ABHD2: variants seen among roughly 807,000 people sequenced by gnomAD.
ABHD2 encodes abhydrolase domain containing 2, acylglycerol lipase.
In ABHD2, 20 loss-of-function variants were observed where a neutral mutation model predicts 48.1. The observed-to-expected ratio is 0.42, with a 90% CI of 0.29 to 0.60. ABHD2 has a LOEUF of 0.60. ABHD2 is among the 20% of genes least tolerant of loss of function. The pLI is 0.24. For synonymous variants in ABHD2, 209 were observed against 214.2 expected (o/e 0.98, Z 0.21); for missense variants, 405 against 550.9 (o/e 0.74, Z 2.65).
rs377600286 is a variant in ABHD2, at chr15:89,192,042, T to C, written c.996+893T>C. 5.0e-4 allele frequency among the ~76,000 whole-genome samples: 76 copies of C among 152,348 alleles called. No individual in the cohort carries two copies. In the South Asian group the frequency reaches 0.015, roughly 31 times the overall value. On this transcript the variant is annotated intron_variant, in intron 9 of 10. Coordinates refer to ENST00000352732, the MANE Select transcript of ABHD2 (RefSeq NM_152924.5). ...AAAATCTCCATATGTTTGTTTTACC[T>C]GAATGACCAACAAGCCAGTCCCTCT...
the ABHD2 span, among the ~76,000 whole-genome samples, chr15:89,044,756 T>C: frequency 6.6e-6 from 1 of 152,136 alleles, no homozygotes; most frequent in East Asian, 1.9e-4. Context: ...GGGTTGTTTG[T>C]TTTTTTCTTG....
rs1313862252 is a variant in ABHD2 at position 89,192,992 on chromosome 15, A to G, written c.997-243A>G. Reference sequence around the variant, plus strand: ...GGAGTGGCTAATCTGAAACACTCTGATGATTATCAGGAAGCTTTCTTCTAC... The same window carrying G: ...GGAGTGGCTAATCTGAAACACTCTGGTGATTATCAGGAAGCTTTCTTCTAC... On this transcript the variant is annotated intron_variant, in intron 9 of 10. Transcript: ENST00000352732. Among the ~76,000 whole-genome samples, 6 of 152,326 alleles carry G rather than the reference A, an allele frequency of 3.9e-5. No individual in the cohort carries two copies. In the South Asian group the frequency reaches 6.2e-4, roughly 16 times the overall value.
chr15:89,071,151 G>A, the ABHD2 span, among the ~76,000 whole-genome samples: 1 of 151,470 alleles, frequency 6.6e-6, no homozygotes, highest in Non-Finnish European at 1.5e-5. Flanking sequence ...CGGGCACGGT[G>A]GCTCACACCT....
intron 3 of ABHD2, among the ~76,000 whole-genome samples, chr15:89,121,722 TG>T (rs1377764395): frequency 2.8e-4 from 43 of 152,306 alleles, no homozygotes; most frequent in African/African-American, 9.6e-4. Context: ...ATTCTCTCAT[TG>T]CCTGTGAAGT....
At chr15:89,144,292 C>T (rs1277351675) in intron 3 of ABHD2, among the ~76,000 whole-genome samples, 5 of 152,134 alleles carry the variant, frequency 3.3e-5, no homozygotes, top group Non-Finnish European at 7.3e-5. Flanking sequence ...TGCCACCATG[C>T]CTGGCTAATT....
rs1222191400 is a variant in ABHD2 at position 89,185,102 on chromosome 15, A to G, written c.723-322A>G. 1.3e-5 allele frequency among the ~76,000 whole-genome samples: 2 copies of G among 152,254 alleles called. No individual in the cohort carries two copies. Among genetic ancestry groups the G allele is most frequent in the African/African-American group, 4.8e-5 (2 of 41,470 alleles). ...AAAGTGTTCACATGACAATTGAAGC[A>G]GACTTTGGTCCTGGCAGGCTCAGTG... On this transcript the variant is annotated intron_variant, in intron 6 of 10. Coordinates refer to ENST00000352732, the MANE Select transcript of ABHD2 (RefSeq NM_152924.5). This position sits in a 1 kb window ranked among gnomAD's most constrained non-coding sequence, Gnocchi z 5.9.
rs1223187128 is a variant in ABHD2, at chr15:89,179,171, G to A, written c.722+3176G>A. Among the ~76,000 whole-genome samples the A allele has an allele frequency of 6.6e-6, 1 of 152,192 alleles. No homozygotes were observed. Among genetic ancestry groups the A allele is most frequent in the East Asian group, 1.9e-4 (1 of 5,184 alleles). On this transcript the variant is annotated intron_variant, in intron 6 of 10. Transcript: ENST00000352732. This position sits in a 1 kb window ranked among gnomAD's most constrained non-coding sequence, Gnocchi z 4.3. ...GAGGAGGGATTTCTGAAGGAGGTGAGGGTGAGGAGGACAGTAGCACAGGGC... is the reference window on the plus strand; with the variant it reads ...GAGGAGGGATTTCTGAAGGAGGTGAAGGTGAGGAGGACAGTAGCACAGGGC...
rs1596067858 is a variant in ABHD2, at chr15:89,106,106, G to C, written c.-106-7619G>C. Among the ~76,000 whole-genome samples the C allele has an allele frequency of 6.6e-6, 1 of 152,156 alleles. No homozygotes were observed. Among genetic ancestry groups the C allele is most frequent in the African/African-American group, 2.4e-5 (1 of 41,438 alleles). ...AGGCAGGTGGATCACCTGAGGTCAGGAGTTCGAGACCAGCCTGGCTAACAT... is the reference window on the plus strand; with the variant it reads ...AGGCAGGTGGATCACCTGAGGTCAGCAGTTCGAGACCAGCCTGGCTAACAT... On this transcript the variant is annotated intron_variant, in intron 1 of 10. Coordinates refer to ENST00000352732, the MANE Select transcript of ABHD2 (RefSeq NM_152924.5). This position sits in a 1 kb window ranked among gnomAD's most constrained non-coding sequence, Gnocchi z 4.2.
rs2050591463 is a variant in ABHD2, at chr15:89,151,574, T to C, written c.195-103T>C. 2 of 1,326,534 alleles carry C rather than the reference T, an allele frequency of 1.5e-6. No individual in the cohort carries two copies. Among genetic ancestry groups the C allele is most frequent in the South Asian group, 2.8e-5 (2 of 70,600 alleles). The allele number at this position is 1,326,534 out of a possible 1,614,324, so 82.2% of individuals were successfully genotyped here. ...TCATGTTTATGCTTTGTGTGCAGAA[T>C]TTCCCTGGAACAAAAATAGGTTGAA... On this transcript the variant is annotated intron_variant, in intron 3 of 10. Transcript: ENST00000352732. This position sits in a 1 kb window ranked among gnomAD's most constrained non-coding sequence, Gnocchi z 4.7.
Position 89,155,657 on chromosome 15 carries a change from A to G in ABHD2, c.538+123A>G. 3 of 1,258,022 alleles carry G rather than the reference A, an allele frequency of 2.4e-6. No homozygotes were observed. Among genetic ancestry groups the G allele is most frequent in the Non-Finnish European group, 3.3e-6 (3 of 914,988 alleles). The allele number at this position is 1,258,022 out of a possible 1,614,324, so 77.9% of individuals were successfully genotyped here. ...CCATCTGCAAGAGATGGTAGGTCAC[A>G]CGGTTATATCAACAGCCAACTTGTA... On this transcript the variant is annotated intron_variant, in intron 5 of 10. Transcript: ENST00000352732. The surrounding 1 kb of genome is among the most constrained non-coding windows in gnomAD (Gnocchi z 4.9).
intron 3 of ABHD2, chr15:89,135,840 G>A: frequency 1.2e-5 from 9 of 750,106 alleles, no homozygotes; most frequent in Non-Finnish European, 2.0e-5. Flanking sequence ...TGATATTTGG[G>A]CGATACTCAG....
rs2049921976 is a variant in ABHD2, at chr15:89,114,316, A to G, written c.-7+492A>G. Among the ~76,000 whole-genome samples the G allele has an allele frequency of 6.6e-6, 1 of 152,074 alleles. No homozygotes were observed. The highest frequency in any genetic ancestry group is 2.4e-5 in the African/African-American group (1 of 41,388). On this transcript the variant is annotated intron_variant, in intron 2 of 10. Transcript: ENST00000352732. The surrounding 1 kb of genome is among the most constrained non-coding windows in gnomAD (Gnocchi z 4.2). ...GCCCAGAAAACTGCTCATGTGCACAAACTTTCACATGATTTCAGGGGGTTC... is the reference window on the plus strand; with the variant it reads ...GCCCAGAAAACTGCTCATGTGCACAGACTTTCACATGATTTCAGGGGGTTC...
At chr15:89,141,776 C>G (rs567668390) in intron 3 of ABHD2, among the ~76,000 whole-genome samples, 36 of 152,332 alleles carry the variant, frequency 2.4e-4, no homozygotes, top group Non-Finnish European at 4.6e-4. Context: ...GGCTTGGAAG[C>G]CCACGTTGAC....
At position 89,116,606 on chromosome 15, in the gene ABHD2, G is replaced by A. The variant is rs770673493; in HGVS notation, c.194+85G>A. On this transcript the variant is annotated intron_variant, in intron 3 of 10. Coordinates refer to ENST00000352732, the MANE Select transcript of ABHD2 (RefSeq NM_152924.5). The surrounding 1 kb of genome is among the most constrained non-coding windows in gnomAD (Gnocchi z 4.6). ...GTTCAAAGAAGAAACTTCTCTCATC[G>A]TGTCCTTAAGGCATCAATGGGATAT... The A allele has an allele frequency of 3.0e-5, 43 of 1,414,592 alleles. No individual in the cohort carries two copies. The Middle Eastern group carries it at 1.1e-3, about 36-fold the overall frequency. The allele number at this position is 1,414,592 out of a possible 1,614,324, so 87.6% of individuals were successfully genotyped here. A position where few individuals can be genotyped will look rare whatever the true frequency, so the allele number is the denominator to read the frequency against.
intron 3 of ABHD2, among the ~76,000 whole-genome samples, chr15:89,148,118 C>CAAAAAAAAAAAAA (rs10711138): frequency 2.9e-5 from 2 of 69,578 alleles, no homozygotes; most frequent in African/African-American, 5.3e-5. Flanking sequence ...GACTCCGTCT[C>CAAAAAAAAAAAAA]AAAAAAAAAA....
At position 89,185,283 on chromosome 15, in the gene ABHD2, G is replaced by A. The variant is rs1596158179; in HGVS notation, c.723-141G>A. On this transcript the variant is annotated intron_variant, in intron 6 of 10. Coordinates refer to ENST00000352732, the MANE Select transcript of ABHD2 (RefSeq NM_152924.5). The surrounding 1 kb of genome is among the most constrained non-coding windows in gnomAD (Gnocchi z 5.9). ...AGGTGTTTGAGCTCTGCACATTAGA[G>A]CCTCTGTTTTAATGCAGAGGCCACA... 6 of 627,646 alleles carry A rather than the reference G, an allele frequency of 9.6e-6. No homozygotes were observed. In the East Asian group the frequency reaches 1.7e-4, roughly 17 times the overall value. 38.9% of individuals were successfully genotyped at this position (627,646 alleles called of 1,614,324 possible). A position where few individuals can be genotyped will look rare whatever the true frequency, so the allele number is the denominator to read the frequency against.
the ABHD2 span, among the ~76,000 whole-genome samples, chr15:89,043,950 T>G: frequency 6.6e-6 from 1 of 151,586 alleles, no homozygotes. Context: ...ATGTGCACAA[T>G]GTGCAGGTTA....
At chr15:89,096,595 T>A (rs1051572110) in intron 1 of ABHD2, among the ~76,000 whole-genome samples, 5 of 152,210 alleles carry the variant, frequency 3.3e-5, no homozygotes, top group African/African-American at 1.2e-4. Context: ...CCTTTCCATG[T>A]GCTGACCATT....
rs2049754175 is a variant in ABHD2 at position 89,104,649 on chromosome 15, C to G, written c.-106-9076C>G. On this transcript the variant is annotated intron_variant, in intron 1 of 10. Transcript: ENST00000352732. This position sits in a 1 kb window ranked among gnomAD's most constrained non-coding sequence, Gnocchi z 4.4. ...CTGTAAGTCCTTTTCTGTTGCAGGT[C>G]TGGGTGAAACTTTCTTCTTTGCCTG... Among the ~76,000 whole-genome samples, 2 of 152,162 alleles carry G rather than the reference C, an allele frequency of 1.3e-5. No individual in the cohort carries two copies. Among genetic ancestry groups the G allele is most frequent in the Admixed American group, 1.3e-4 (2 of 15,274 alleles).
Sources: allele counts gnomAD v4.1 joint callset (sites outside exome capture counted in the v4.1 genomes callset), GRCh38; gene constraint gnomAD v4.1.1; non-coding constraint Gnocchi (gnomAD v3.1); transcripts MANE v1.5; gene names NCBI Gene and HGNC (gene_info 2026-07-23, HGNC 2026-07-21).